Variants in FAM193A observed in about 807,000 individuals in gnomAD.
The protein encoded by FAM193A is family with sequence similarity 193 member A, also known as protein FAM193A.
Under a neutral mutation model 126.5 loss-of-function variants are expected in FAM193A, and 22 were observed. The ratio of observed to expected loss-of-function variants is 0.17; its 90% CI spans 0.12 to 0.25. The LOEUF (loss-of-function observed/expected upper bound fraction) is 0.25, where lower values mean the gene tolerates loss of function less well. Among genes scored for constraint, FAM193A ranks in the 10% least tolerant of loss-of-function variants. The pLI is 1.00. For missense variants in FAM193A, 1,675 were observed against 1,672.8 expected (o/e 1.00, Z -0.02); for synonymous variants, 761 against 646.8 (o/e 1.18, Z -2.68).
chr4:2,652,884 G>A (rs535334030), intron 7 of FAM193A, among the ~76,000 whole-genome samples: 106 of 152,326 alleles, frequency 7.0e-4, no homozygotes, highest in African/African-American at 2.5e-3. Flanking sequence ...AAGATGAACC[G>A]TTACCGAGTG....
intron 2 of FAM193A, among the ~76,000 whole-genome samples, chr4:2,618,591 C>CTTTT (rs34641526): frequency 6.3e-5 from 5 of 79,850 alleles, no homozygotes; most frequent in African/African-American, 5.2e-5. Flanking sequence ...CCATGCCCGG[C>CTTTT]TTTTTTTTTT....
chr4:2,716,883 C>A (rs1020705032), intron 20 of FAM193A, among the ~76,000 whole-genome samples: 1 of 152,132 alleles, frequency 6.6e-6, no homozygotes, highest in Non-Finnish European at 1.5e-5. Flanking sequence ...ACCGTGGTTA[C>A]CAGACTGGTC....
intron 2 of FAM193A, among the ~76,000 whole-genome samples, chr4:2,624,885 T>C (rs1742802565): frequency 6.6e-6 from 1 of 152,110 alleles, no homozygotes; most frequent in African/African-American, 2.4e-5. Flanking sequence ...TGTGTGACAA[T>C]GTCTCTGTCA....
At chr4:2,601,880 C>T (rs571406514) in intron 2 of FAM193A, among the ~76,000 whole-genome samples, 8 of 152,064 alleles carry the variant, frequency 5.3e-5, no homozygotes, top group Admixed American at 3.9e-4. Flanking sequence ...GCTCTGTTGC[C>T]CAGGCCGGAA....
intron 20 of FAM193A, among the ~76,000 whole-genome samples, chr4:2,717,754 GA>G (rs33968148): frequency 0.091 from 12,531 of 137,024 alleles, 653 homozygotes; most frequent in African/African-American, 0.16. Context: ...GACCCTGTCT[GA>G]AAAAAAAAAA....
At chr4:2,721,465 G>A (rs11730858) in intron 20 of FAM193A, among the ~76,000 whole-genome samples, 10,521 of 152,118 alleles carry the variant, frequency 0.069, 636 homozygotes, top group African/African-American at 0.16. Flanking sequence ...TCCAGCCTAA[G>A]CAATAGAGAG....
chr4:2,689,480 T>A, intron 13 of FAM193A, 26 bp from the exon 14 acceptor site: 1 of 1,522,474 alleles, frequency 6.6e-7, no homozygotes, highest in Non-Finnish European at 8.8e-7. Flanking sequence ...AATTTTGATA[T>A]GTGATTAGAA....
chr4:2,610,310 G>C (rs1741789073), intron 2 of FAM193A, among the ~76,000 whole-genome samples: 1 of 151,992 alleles, frequency 6.6e-6, no homozygotes, highest in African/African-American at 2.4e-5. Context: ...TACGCCCATA[G>C]ATCAATCAAG....
At chr4:2,710,795 G>A (rs1007033056) in intron 19 of FAM193A, among the ~76,000 whole-genome samples, 20 of 148,408 alleles carry the variant, frequency 1.3e-4, no homozygotes, top group Non-Finnish European at 2.4e-4. Context: ...ATGAACCACC[G>A]TGCCCAGCCT....
chr4:2,616,007 C>T (rs2108953955), intron 2 of FAM193A, among the ~76,000 whole-genome samples: 1 of 152,282 alleles, frequency 6.6e-6, no homozygotes, highest in South Asian at 2.1e-4. Flanking sequence ...GACAGTGTTG[C>T]CCAGGCTGGT....
intron 15 of FAM193A, among the ~76,000 whole-genome samples, chr4:2,691,547 G>A (rs1716380826): frequency 6.6e-6 from 1 of 152,138 alleles, no homozygotes; most frequent in Non-Finnish European, 1.5e-5. Context: ...TACAGCCCCT[G>A]GCTGTCACTT....
chr4:2,613,753 CT>C (rs71634683), intron 2 of FAM193A, among the ~76,000 whole-genome samples: 77,482 of 132,254 alleles, frequency 0.59, 22,299 homozygotes, highest in African/African-American at 0.73. Flanking sequence ...CATACCTGGC[CT>C]TTTTTTTTTT....
chr4:2,669,227 C>G (rs190923614), intron 12 of FAM193A, among the ~76,000 whole-genome samples: 1 of 152,164 alleles, frequency 6.6e-6, no homozygotes, highest in African/African-American at 2.4e-5. Context: ...TTTAAGTTAC[C>G]GTCTTGTTTT....
At chr4:2,616,926 T>C (rs1302895299) in intron 2 of FAM193A, among the ~76,000 whole-genome samples, 1 of 146,926 alleles carries the variant, frequency 6.8e-6, no homozygotes, top group Non-Finnish European at 1.5e-5. Flanking sequence ...CCCAGCACTT[T>C]GGGAGGCTGA....
At chr4:2,604,724 A>G (rs569286577) in intron 2 of FAM193A, among the ~76,000 whole-genome samples, 5 of 150,582 alleles carry the variant, frequency 3.3e-5, no homozygotes, top group Admixed American at 2.6e-4. Flanking sequence ...GTTCTTATGC[A>G]GTATATATAG....
intron 8 of FAM193A, among the ~76,000 whole-genome samples, chr4:2,658,860 C>T (rs1475166948): frequency 1.3e-5 from 2 of 152,312 alleles, no homozygotes; most frequent in South Asian, 4.1e-4. Context: ...AAGCGGTACT[C>T]GTGTCTCAGC....
chr4:2,631,279 C>A, intron 5 of FAM193A, 110 bp downstream of exon 5: 1 of 930,292 alleles, frequency 1.1e-6, no homozygotes, highest in Admixed American at 2.5e-5. Flanking sequence ...CACCCCCACA[C>A]ACTGTGATAG....
rs145727574 is a variant in FAM193A, at chr4:2,548,515, G to A, written c.255+11345G>A. Reference sequence around the variant, plus strand: ...TCCGTCACCCAGGCTGGAGTGTGGTGGCATGATCTCGGCTCACTGCAGCCT... The same window carrying A: ...TCCGTCACCCAGGCTGGAGTGTGGTAGCATGATCTCGGCTCACTGCAGCCT... On this transcript the variant is annotated intron_variant, in intron 1 of 20. Transcript: ENST00000637812. 4.4e-3 allele frequency among the ~76,000 whole-genome samples: 674 copies of A among 152,176 alleles called. 3 individuals carry two copies. The highest frequency in any genetic ancestry group is 0.016 in the African/African-American group (649 of 41,528).
At chr4:2,593,156 TCTC>T (rs1245143312) in intron 1 of FAM193A, among the ~76,000 whole-genome samples, 16 of 152,208 alleles carry the variant, frequency 1.1e-4, no homozygotes, top group African/African-American at 2.9e-4. Context: ...CCCTAGCTCT[TCTC>T]CTCCTCTCAC....
Sources: allele counts gnomAD v4.1 joint callset (sites outside exome capture counted in the v4.1 genomes callset), GRCh38; gene constraint gnomAD v4.1.1; transcripts MANE v1.5; gene names NCBI Gene and HGNC (gene_info 2026-07-23, HGNC 2026-07-21).